EFNA5: variants seen among roughly 807,000 people sequenced by gnomAD.
The protein encoded by EFNA5 is ephrin-A5.
A neutral mutation model predicts 22.9 loss-of-function variants in EFNA5; 5 were observed. The ratio of observed to expected loss-of-function variants is 0.22; its 90% CI spans 0.11 to 0.46. The LOEUF (loss-of-function observed/expected upper bound fraction) is 0.46, where lower values mean the gene tolerates loss of function less well. EFNA5 is among the 20% of genes least tolerant of loss of function. The probability of loss-of-function intolerance (pLI) is 0.99; values close to 1 mark genes in which losing one functional copy is unlikely to be tolerated. For synonymous variants in EFNA5, 113 were observed against 112.2 expected, an observed-to-expected ratio of 1.01 and a Z score of -0.04; for missense variants, 237 against 293.3, an observed-to-expected ratio of 0.81 and a Z score of 1.40.
chr5:107,389,864 C>A (rs2112490074), intron 2 of EFNA5, among the ~76,000 whole-genome samples: 1 of 152,312 alleles, frequency 6.6e-6, no homozygotes, highest in Middle Eastern at 3.4e-3. Context: ...AAAAACCTCT[C>A]TTCCCTAACA....
intron 1 of EFNA5, among the ~76,000 whole-genome samples, chr5:107,605,803 T>C (rs941227049): frequency 6.6e-6 from 1 of 152,214 alleles, no homozygotes; most frequent in Non-Finnish European, 1.5e-5. Context: ...CCCTTCAATA[T>C]TGTCCTCAAT....
At chr5:107,641,199 A>G (rs1280017515) in intron 1 of EFNA5, among the ~76,000 whole-genome samples, 1 of 152,024 alleles carries the variant, frequency 6.6e-6, no homozygotes, top group Non-Finnish European at 1.5e-5. Context: ...TCTACTAAAA[A>G]TACAAAAAAT....
intron 1 of EFNA5, among the ~76,000 whole-genome samples, chr5:107,534,622 C>G (rs1281603651): frequency 6.6e-6 from 1 of 152,146 alleles, no homozygotes; most frequent in Non-Finnish European, 1.5e-5. Flanking sequence ...ATTATGTCTG[C>G]TTTGTGATAT....
chr5:107,399,273 C>G (rs1434422675), intron 2 of EFNA5, among the ~76,000 whole-genome samples: 1 of 145,118 alleles, frequency 6.9e-6, no homozygotes. Flanking sequence ...GCCAACATGG[C>G]AAAACCCCAT....
chr5:107,476,735 TTC>T (rs34563371), intron 1 of EFNA5, among the ~76,000 whole-genome samples: 15,963 of 147,950 alleles, frequency 0.11, 1,298 homozygotes, highest in African/African-American at 0.21. Context: ...TTTTTTCTCT[TTC>T]TCTCTCTCTC....
At chr5:107,553,635 T>C (rs887405402) in intron 1 of EFNA5, among the ~76,000 whole-genome samples, 3 of 152,236 alleles carry the variant, frequency 2.0e-5, no homozygotes. Context: ...AGCAATTATC[T>C]GGCAAGACAC....
At chr5:107,399,113 G>A (rs1470532355) in intron 2 of EFNA5, among the ~76,000 whole-genome samples, 1 of 152,054 alleles carries the variant, frequency 6.6e-6, no homozygotes, top group African/African-American at 2.4e-5. Context: ...CAAGTAGGTA[G>A]CATTTCAATA....
rs34410566 is a variant in EFNA5 at position 107,590,395 on chromosome 5, ATT to A, written c.125+80092_125+80093del. ...TCTAGGAACTCTAGATATAGACATA[ATT>A]TTTTTTTTTTTTTAGACAGTCTCAC... is the stretch of plus-strand genomic sequence containing the variant. On this transcript the variant is annotated intron_variant, in intron 1 of 4. Transcript: ENST00000333274. Among the ~76,000 whole-genome samples the A allele has an allele frequency of 8.2e-3, 1,183 of 145,002 alleles. 21 individuals carry two copies. Among genetic ancestry groups the A allele is most frequent in the African/African-American group, 0.027 (1,075 of 39,492 alleles).
intron 1 of EFNA5, 87 bp downstream of exon 1, chr5:107,670,402 G>T: frequency 7.0e-7 from 1 of 1,433,692 alleles, no homozygotes; most frequent in Non-Finnish European, 9.1e-7. Flanking sequence ...GCCGCCAGCG[G>T]TTGGTGCGCG....
chr5:107,490,470 CA>C lies in EFNA5; in HGVS notation c.126-62962del, dbSNP rs537251795. On this transcript the variant is annotated intron_variant, in intron 1 of 4. Transcript: ENST00000333274. The stretch of plus-strand genomic sequence containing the variant: ...TCTCCCTGAATTGCGTGACATTTTC[CA>C]AAAAAAGAATCATCAAATGAATCCT... Among the ~76,000 whole-genome samples the C allele has an allele frequency of 1.6e-4, 25 of 152,090 alleles. No individual in the cohort carries two copies. The East Asian group carries it at 4.3e-3, about 26-fold the overall frequency.
intron 1 of EFNA5, among the ~76,000 whole-genome samples, chr5:107,587,263 CT>C (rs1749208432): frequency 6.6e-6 from 1 of 152,136 alleles, no homozygotes. Context: ...TCTCCTCCTT[CT>C]TATCCTAGAG....
Position 107,606,943 on chromosome 5 carries a change from C to A in EFNA5, c.125+63546G>T, listed in dbSNP as rs77276010. On this transcript the variant is annotated intron_variant, in intron 1 of 4. Coordinates refer to ENST00000333274, the MANE Select transcript of EFNA5 (RefSeq NM_001962.3). ...AAAATACTTCTTACCCCTTCTTTCACAAATCTGTATTCTCCTATCCTAAGG... is the reference window on the plus strand; with the variant it reads ...AAAATACTTCTTACCCCTTCTTTCAAAAATCTGTATTCTCCTATCCTAAGG... Among the ~76,000 whole-genome samples, 1,163 of 152,264 alleles carry A rather than the reference C, an allele frequency of 7.6e-3. 18 individuals are homozygous for A. The highest frequency in any genetic ancestry group is 0.026 in the African/African-American group (1,080 of 41,560).
At chr5:107,658,705 G>A (rs1311010584) in intron 1 of EFNA5, among the ~76,000 whole-genome samples, 2 of 152,096 alleles carry the variant, frequency 1.3e-5, no homozygotes, top group Non-Finnish European at 2.9e-5. Flanking sequence ...TGCAAACCAC[G>A]GTTCATGGGC....
intron 1 of EFNA5, among the ~76,000 whole-genome samples, chr5:107,494,322 G>T (rs981025047): frequency 1.3e-5 from 2 of 152,216 alleles, no homozygotes; most frequent in Non-Finnish European, 1.5e-5. Flanking sequence ...CGTGGGCTTG[G>T]CGGGCCCTGC....
chr5:107,439,560 G>A (rs895166871), intron 1 of EFNA5, among the ~76,000 whole-genome samples: 7 of 152,164 alleles, frequency 4.6e-5, no homozygotes, highest in Admixed American at 3.9e-4. Flanking sequence ...GAAGGAAGAT[G>A]GCAGACTTAT....
intron 1 of EFNA5, among the ~76,000 whole-genome samples, chr5:107,515,148 C>A (rs1747449844): frequency 6.6e-6 from 1 of 152,074 alleles, no homozygotes; most frequent in Non-Finnish European, 1.5e-5. Context: ...GATTCTCCTG[C>A]CTCAGCCTCC....
intron 1 of EFNA5, among the ~76,000 whole-genome samples, chr5:107,519,622 G>A (rs150522024): frequency 6.4e-4 from 98 of 152,254 alleles, no homozygotes; most frequent in African/African-American, 2.2e-3. Flanking sequence ...CTGAGAAAAC[G>A]ATTGTTGTTT....
intron 1 of EFNA5, among the ~76,000 whole-genome samples, chr5:107,620,811 T>G (rs1750017744): frequency 6.6e-6 from 1 of 152,152 alleles, no homozygotes; most frequent in African/African-American, 2.4e-5. Flanking sequence ...ATAAAATAAG[T>G]ACTACGATAA....
Position 107,579,743 on chromosome 5 carries a change from G to C in EFNA5, c.125+90746C>G, listed in dbSNP as rs114852910. On this transcript the variant is annotated intron_variant, in intron 1 of 4. Coordinates refer to ENST00000333274, the MANE Select transcript of EFNA5 (RefSeq NM_001962.3). ...AGTTGAAATGTTTTCATCCACCAAA[G>C]AGGCTGCACCCCAAATTCACTTCCA... 5.1e-3 allele frequency among the ~76,000 whole-genome samples: 778 copies of C among 152,296 alleles called. 7 individuals are homozygous for C. Among genetic ancestry groups the C allele is most frequent in the African/African-American group, 0.018 (749 of 41,556 alleles).
Sources: gnomAD v4.1 joint callset for allele counts (sites outside exome capture counted in the v4.1 genomes callset) on GRCh38, gnomAD v4.1.1 for gene constraint, MANE v1.5 for transcripts, NCBI Gene and HGNC (gene_info 2026-07-23, HGNC 2026-07-21) for gene names.